Variants in SUPT6H observed in about 807,000 individuals in gnomAD.
SUPT6H encodes the protein SPT6 homolog, histone chaperone and transcription elongation factor.
Under a neutral mutation model 222.3 loss-of-function variants are expected in SUPT6H, and 11 were observed. That is an observed-to-expected ratio of 0.05 (90% CI 0.03 to 0.08). The LOEUF (loss-of-function observed/expected upper bound fraction) is 0.08, where lower values mean the gene tolerates loss of function less well. SUPT6H is among the 10% of genes least tolerant of loss of function. SUPT6H has a pLI of 1.00. For synonymous variants in SUPT6H, 762 were observed against 801.2 expected, an observed-to-expected ratio of 0.95 and a Z score of 0.83; for missense variants, 1,422 against 2,216.0, an observed-to-expected ratio of 0.64 and a Z score of 7.19.
Position 28,676,459 on chromosome 17 carries a change from A to G in SUPT6H, c.897+29A>G, listed in dbSNP as rs367548019. The G allele has an allele frequency of 8.7e-6, 14 of 1,611,366 alleles. No individual in the cohort carries two copies. In the African/African-American group the frequency reaches 1.1e-4, roughly 12 times the overall value. On this transcript the variant is annotated intron_variant, in intron 7 of 36. Transcript: ENST00000314616. ...AAAAACCACCAGCCTCTGCTCTTCT[A>G]CCAATCCATAATTACCTTGTAGCCA...
intron 10 of SUPT6H, 78 bp from the exon 11 acceptor site, chr17:28,678,743 G>C: frequency 6.2e-7 from 1 of 1,611,946 alleles, no homozygotes. Flanking sequence ...CCCCCACTAG[G>C]TTTCTGGTAA....
intron 28 of SUPT6H, 24 bp downstream of exon 28, chr17:28,693,860 T>G: frequency 6.2e-7 from 1 of 1,613,890 alleles, no homozygotes; most frequent in Non-Finnish European, 8.5e-7. Context: ...TGTCCTAAGG[T>G]CGTAGTGCAA....
rs780777122 is a variant in SUPT6H at position 28,700,923 on chromosome 17, C to A, written c.4807-18C>A. 11 of 1,597,666 alleles carry A rather than the reference C, an allele frequency of 6.9e-6. No homozygotes were observed. The highest frequency in any genetic ancestry group is 9.4e-6 in the Non-Finnish European group (11 of 1,167,682). ...AAGCCCCACACCCATCCCTATTTAA[C>A]TGTTCATGCCTCTCCAGGTATTCCC... is the stretch of plus-strand genomic sequence containing the variant. On this transcript the variant is annotated intron_variant, in intron 35 of 36. Coordinates refer to ENST00000314616, the MANE Select transcript of SUPT6H (RefSeq NM_003170.5).
At chr17:28,663,071 GA>G (rs1228180008) in intron 1 of SUPT6H, among the ~76,000 whole-genome samples, 1 of 152,216 alleles carries the variant, frequency 6.6e-6, no homozygotes, top group Non-Finnish European at 1.5e-5. Context: ...TAAGATCTCT[GA>G]AAATACTTCC....
chr17:28,683,235 C>T (rs747766560), intron 15 of SUPT6H, 33 bp from the exon 16 acceptor site: 46 of 1,608,396 alleles, frequency 2.9e-5, no homozygotes, highest in South Asian at 9.9e-5. Flanking sequence ...CCAGCCCATC[C>T]GCAGGCTCAT....
intron 1 of SUPT6H, among the ~76,000 whole-genome samples, chr17:28,666,431 C>T (rs2030016274): frequency 6.6e-6 from 1 of 152,194 alleles, no homozygotes; most frequent in Non-Finnish European, 1.5e-5. Flanking sequence ...CCACAAGGTT[C>T]AGTAACTGTT....
intron 28 of SUPT6H, 43 bp downstream of exon 28, chr17:28,693,879 T>G: frequency 6.2e-7 from 1 of 1,613,352 alleles, no homozygotes; most frequent in Non-Finnish European, 8.5e-7. Flanking sequence ...AATTTTCAGC[T>G]GCCCAGATCA....
Position 28,688,007 on chromosome 17 carries a change from T to A in SUPT6H, c.3007-84T>A. 7.1e-7 allele frequency: 1 copy of A among 1,412,914 alleles called. No individual in the cohort carries two copies. The highest frequency in any genetic ancestry group is 2.6e-5 in the Admixed American group (1 of 38,358). 87.5% of individuals were successfully genotyped at this position (1,412,914 alleles called of 1,614,324 possible). Reference sequence around the variant, plus strand: ...GATACTGGGTGGGACAGAGTTTTTGTTATGAGGGTTTAATAGAGACTGGAA... The same window carrying A: ...GATACTGGGTGGGACAGAGTTTTTGATATGAGGGTTTAATAGAGACTGGAA... On this transcript the variant is annotated intron_variant, in intron 23 of 36. Transcript: ENST00000314616. The surrounding 1 kb of genome is among the most constrained non-coding windows in gnomAD (Gnocchi z 4.3).
chr17:28,685,027 A>C (rs557593735), intron 19 of SUPT6H, 66 bp downstream of exon 19: 20 of 1,459,954 alleles, frequency 1.4e-5, no homozygotes, highest in Middle Eastern at 2.3e-4. Context: ...AGTGGAGATA[A>C]GTGTTTACGG....
chr17:28,679,263 C>T (rs1236449806), intron 11 of SUPT6H, among the ~76,000 whole-genome samples: 2 of 152,176 alleles, frequency 1.3e-5, no homozygotes, highest in Non-Finnish European at 2.9e-5. Flanking sequence ...ATCCCAGCTA[C>T]TCAGGAGGCT....
chr17:28,685,279 C>T (rs560561015), intron 19 of SUPT6H, among the ~76,000 whole-genome samples: 2 of 152,258 alleles, frequency 1.3e-5, no homozygotes, highest in African/African-American at 4.8e-5. Flanking sequence ...ATGAAGCCAG[C>T]CTTTTCCCTG....
At position 28,678,850 on chromosome 17, in the gene SUPT6H, C is replaced by T; in HGVS notation, c.1236C>T (p.Asn412=). The change falls in exon 11 of 37, where the codon AAC becomes AAT. Residue 412 remains asparagine, a synonymous_variant. Transcript: ENST00000314616. ...CCCAGCTGCGGATCCGTAAAGAGAA[C>T]CTAACACGGCTGTTTGAGAAGATGC... ...KWTQLRIRKE[N]LTRLFEKMQA... 1.2e-6 allele frequency: 2 copies of T among 1,614,216 alleles called. No individual in the cohort carries two copies. Among genetic ancestry groups the T allele is most frequent in the South Asian group, 2.2e-5 (2 of 91,084 alleles).
chr17:28,678,691 C>G, intron 10 of SUPT6H, 57 bp downstream of exon 10: 1 of 1,610,476 alleles, frequency 6.2e-7, no homozygotes. Flanking sequence ...CCATTACTAC[C>G]AGGATACCAC....
intron 19 of SUPT6H, among the ~76,000 whole-genome samples, chr17:28,685,330 C>T (rs2031325956): frequency 1.3e-5 from 2 of 152,078 alleles, no homozygotes; most frequent in Admixed American, 6.5e-5. Context: ...GGAAAGAAGA[C>T]TTTCAATTCA....
chr17:28,670,199 T>C (rs1195555397), intron 1 of SUPT6H: 1 of 152,328 alleles, frequency 6.6e-6, no homozygotes, highest in East Asian at 1.9e-4. Context: ...CACTTACAGA[T>C]GATAGTTTTG....
intron 28 of SUPT6H, among the ~76,000 whole-genome samples, chr17:28,694,247 C>T (rs948399870): frequency 6.6e-6 from 1 of 152,156 alleles, no homozygotes; most frequent in Non-Finnish European, 1.5e-5. Flanking sequence ...TCTGGATCCT[C>T]TAGGCAGGAC....
chr17:28,687,934 T>G (rs1467662676), intron 23 of SUPT6H, among the ~76,000 whole-genome samples, 157 bp from the exon 24 acceptor site: 2 of 152,098 alleles, frequency 1.3e-5, no homozygotes, highest in Non-Finnish European at 2.9e-5. Flanking sequence ...CTTTTTTTTT[T>G]TTTTTTTTAA....
At chr17:28,670,745 C>T (rs2030361827) in intron 1 of SUPT6H, among the ~76,000 whole-genome samples, 1 of 152,000 alleles carries the variant, frequency 6.6e-6, no homozygotes, top group Admixed American at 6.6e-5. Context: ...AATTAGCCAG[C>T]ATGGTGGTGC....
chr17:28,696,010 T>G (rs1004667189), intron 29 of SUPT6H, among the ~76,000 whole-genome samples: 1 of 151,590 alleles, frequency 6.6e-6, no homozygotes, highest in Non-Finnish European at 1.5e-5. Context: ...AAAAAAAATT[T>G]TTTAAATAGC....
Sources: gnomAD v4.1 joint callset for allele counts (sites outside exome capture counted in the v4.1 genomes callset) on GRCh38, gnomAD v4.1.1 for gene constraint, Gnocchi (gnomAD v3.1) non-coding constraint, MANE v1.5 for transcripts, NCBI Gene and HGNC (gene_info 2026-07-23, HGNC 2026-07-21) for gene names.